Variants in CCDC7 observed in about 807,000 individuals in gnomAD.
CCDC7 encodes the protein coiled-coil domain-containing protein 7.
A neutral mutation model predicts 196.9 loss-of-function variants in CCDC7; 183 were observed. The observed-to-expected ratio is 0.93, with a 90% CI of 0.82 to 1.05. The LOEUF is 1.05. Among genes scored for constraint, CCDC7 ranks in the 50% least tolerant of loss-of-function variants. The probability of loss-of-function intolerance (pLI) is 0.00; values close to 1 mark genes in which losing one functional copy is unlikely to be tolerated. For synonymous variants in CCDC7, 525 were observed against 484.6 expected (o/e 1.08, Z -1.10); for missense variants, 1,540 against 1,482.2 (o/e 1.04, Z -0.64).
chr10:32,551,399 G>C (rs1287335351), intron 13 of CCDC7, among the ~76,000 whole-genome samples: 1 of 151,702 alleles, frequency 6.6e-6, no homozygotes, highest in African/African-American at 2.4e-5. Context: ...ATTTCATTTA[G>C]TTCTGCTCTG....
intron 8 of CCDC7, among the ~76,000 whole-genome samples, chr10:32,482,458 C>T (rs2040156138): frequency 1.3e-5 from 2 of 149,460 alleles, no homozygotes; most frequent in Non-Finnish European, 3.0e-5. Context: ...TTTTACTTAT[C>T]TTTTCTAATT....
intron 41 of CCDC7, among the ~76,000 whole-genome samples, chr10:32,856,377 A>G (rs540991538): frequency 6.6e-6 from 1 of 152,162 alleles, no homozygotes; most frequent in Non-Finnish European, 1.5e-5. Context: ...CAACAACAGA[A>G]CTCAATTTTA....
intron 18 of CCDC7, among the ~76,000 whole-genome samples, chr10:32,598,658 G>T (rs1479083616): frequency 6.6e-6 from 1 of 152,152 alleles, no homozygotes; most frequent in Non-Finnish European, 1.5e-5. Context: ...TTTACCTTAT[G>T]ATTTATTGTG....
intron 28 of CCDC7, among the ~76,000 whole-genome samples, chr10:32,755,089 A>G (rs2076216387): frequency 6.6e-6 from 1 of 152,198 alleles, no homozygotes; most frequent in South Asian, 2.1e-4. Context: ...ACCATTGCTG[A>G]GGCTTGAGTA....
At chr10:32,657,426 A>G (rs942681603) in intron 20 of CCDC7, among the ~76,000 whole-genome samples, 12 of 152,160 alleles carry the variant, frequency 7.9e-5, no homozygotes, top group East Asian at 3.9e-4. Flanking sequence ...CCAAATCTCA[A>G]TTCTTGACTT....
chr10:32,669,690 A>G (rs2073659554), intron 21 of CCDC7, among the ~76,000 whole-genome samples: 1 of 152,060 alleles, frequency 6.6e-6, no homozygotes, highest in African/African-American at 2.4e-5. Context: ...GTAGTCTCTC[A>G]TGATCTTTTG....
At position 32,709,118 on chromosome 10, in the gene CCDC7, A is replaced by G. The variant is rs1656751886; in HGVS notation, c.2459-2502A>G. On this transcript the variant is annotated intron_variant, in intron 24 of 41. Transcript: ENST00000639629. ...TGGATTAAGAAAATGTGGCACATAT[A>G]CACCATGGAGTACTATGCAGCCATA... is the stretch of plus-strand genomic sequence containing the variant. Among the ~76,000 whole-genome samples, 4 of 152,154 alleles carry G rather than the reference A, an allele frequency of 2.6e-5. No homozygotes were observed. The South Asian group carries it at 8.3e-4, about 31-fold the overall frequency.
At chr10:32,854,452 T>C (rs1305420763) in exon 41 of CCDC7, 2 of 1,607,302 alleles carry the variant, frequency 1.2e-6, no homozygotes, top group Non-Finnish European at 1.7e-6. Context: ...TTACTCTGCC[T>C]ACTGTGACCA....
chr10:32,836,098 T>C (rs995116827), intron 33 of CCDC7, among the ~76,000 whole-genome samples: 10 of 152,116 alleles, frequency 6.6e-5, no homozygotes, highest in African/African-American at 1.9e-4. Flanking sequence ...AGTTCTGGAA[T>C]AACAGTGTTA....
chr10:32,510,465 C>G (rs1564503180), intron 9 of CCDC7, among the ~76,000 whole-genome samples: 1 of 152,116 alleles, frequency 6.6e-6, no homozygotes. Flanking sequence ...CAGCAGAAAC[C>G]ATGACAAACA....
chr10:32,663,058 C>A (rs143205288), intron 20 of CCDC7, among the ~76,000 whole-genome samples: 1 of 151,784 alleles, frequency 6.6e-6, no homozygotes, highest in Non-Finnish European at 1.5e-5. Flanking sequence ...GTAACACTTT[C>A]CCCCTACCCA....
Position 32,817,207 on chromosome 10 carries a change from C to T in CCDC7, c.3181+2754C>T, listed in dbSNP as rs186905336. Among the ~76,000 whole-genome samples, 182 of 152,110 alleles carry T rather than the reference C, an allele frequency of 1.2e-3. 1 individual carries two copies. The highest frequency in any genetic ancestry group is 4.1e-3 in the African/African-American group (170 of 41,476). On this transcript the variant is annotated intron_variant, in intron 31 of 41. Coordinates refer to ENST00000639629, the Ensembl canonical transcript of CCDC7. The stretch of plus-strand genomic sequence containing the variant: ...CGACGTATGCACAAGCCTGAGTAGC[C>T]GATTTGATCAACTGGAAGAGGGGGT...
At chr10:32,683,394 A>G (rs2076079942) in intron 21 of CCDC7, among the ~76,000 whole-genome samples, 1 of 152,180 alleles carries the variant, frequency 6.6e-6, no homozygotes, top group Admixed American at 6.5e-5. Flanking sequence ...TGGTTACTGT[A>G]ACCTTGTAGA....
intron 29 of CCDC7, among the ~76,000 whole-genome samples, chr10:32,784,975 C>G (rs1172609245): frequency 6.6e-6 from 1 of 151,860 alleles, no homozygotes; most frequent in East Asian, 2.0e-4. Context: ...GCACTCCAGC[C>G]TGGGAGAGAG....
chr10:32,702,416 T>A (rs949010173), intron 24 of CCDC7, among the ~76,000 whole-genome samples: 5 of 152,226 alleles, frequency 3.3e-5, no homozygotes, highest in African/African-American at 4.8e-5. Context: ...CTTTTACATT[T>A]GCTGAGGAGT....
At chr10:32,805,603 T>C (rs1459562507) in intron 30 of CCDC7, among the ~76,000 whole-genome samples, 2 of 152,218 alleles carry the variant, frequency 1.3e-5, no homozygotes, top group South Asian at 2.1e-4. Context: ...CTGCCTTTGG[T>C]ACAAGAGTAG....
At chr10:32,573,909 T>A (rs1458316414) in intron 16 of CCDC7, among the ~76,000 whole-genome samples, 1 of 152,154 alleles carries the variant, frequency 6.6e-6, no homozygotes, top group African/African-American at 2.4e-5. Flanking sequence ...CTCAATGCAT[T>A]AACAGTCTAG....
chr10:32,447,483 T>C (rs1283788908), upstream of CCDC7, among the ~76,000 whole-genome samples: 14 of 152,244 alleles, frequency 9.2e-5, no homozygotes, highest in African/African-American at 3.4e-4. Context: ...TCTTTGGCAA[T>C]GTAATTTATT....
intron 41 of CCDC7, among the ~76,000 whole-genome samples, chr10:32,863,645 T>C (rs1455852455): frequency 6.6e-6 from 1 of 151,898 alleles, no homozygotes; most frequent in South Asian, 2.1e-4. Flanking sequence ...GTGTATGCAA[T>C]GGGGAAAGAA....
Sources: allele counts gnomAD v4.1 joint callset (sites outside exome capture counted in the v4.1 genomes callset), GRCh38; gene constraint gnomAD v4.1.1; transcripts MANE v1.5; gene names NCBI Gene and HGNC (gene_info 2026-07-23, HGNC 2026-07-21).